NR3C2: variants seen among roughly 807,000 people sequenced by gnomAD.
NR3C2 encodes nuclear receptor subfamily 3 group C member 2.
NR3C2 carries 15 observed loss-of-function variants against 86.4 expected under a neutral mutation model. The observed-to-expected ratio is 0.17, with a 90% CI of 0.12 to 0.27. The LOEUF is 0.27. Ranked by LOEUF, NR3C2 falls within the 10% of genes least tolerant of loss-of-function variation. The pLI, the probability that NR3C2 is intolerant of heterozygous loss-of-function variation, is 1.00. For missense variants in NR3C2, 960 were observed against 1,195.6 expected (o/e 0.80, Z 2.91); for synonymous variants, 458 against 450.5 (o/e 1.02, Z -0.21).
chr4:148,148,508 T>C (rs1216830617), intron 6 of NR3C2, among the ~76,000 whole-genome samples: 1 of 152,208 alleles, frequency 6.6e-6, no homozygotes, highest in African/African-American at 2.4e-5. Flanking sequence ...GCCAAGTCTC[T>C]GATGTGGCCT....
At chr4:148,131,906 G>C (rs1733059935) in intron 6 of NR3C2, among the ~76,000 whole-genome samples, 2 of 152,240 alleles carry the variant, frequency 1.3e-5, no homozygotes, top group Admixed American at 1.3e-4. Flanking sequence ...ATGATACACA[G>C]ATCAGAATAA....
intron 4 of NR3C2, among the ~76,000 whole-genome samples, chr4:148,188,310 A>G (rs953446576): frequency 1.3e-5 from 2 of 152,118 alleles, no homozygotes; most frequent in Non-Finnish European, 2.9e-5. Context: ...TTTTGGCAGT[A>G]TGGTCATTTT....
chr4:148,317,070 G>T (rs1311194360), intron 2 of NR3C2, among the ~76,000 whole-genome samples: 1 of 152,168 alleles, frequency 6.6e-6, no homozygotes, highest in African/African-American at 2.4e-5. Context: ...TGGGATTACA[G>T]GCTTGAGCCA....
chr4:148,269,215 G>A lies in NR3C2; in HGVS notation c.1758-9098C>T, dbSNP rs139903590. Reference sequence around the variant, plus strand: ...CTGAGGAAGAAAAGTCCAAGTGGGGGAGCAAGATAAGGCAGAATCTGGGAA... The same window carrying A: ...CTGAGGAAGAAAAGTCCAAGTGGGGAAGCAAGATAAGGCAGAATCTGGGAA... On this transcript the variant is annotated intron_variant, in intron 2 of 8. Transcript: ENST00000358102. Among the ~76,000 whole-genome samples, 681 of 152,220 alleles carry A rather than the reference G, an allele frequency of 4.5e-3. 4 individuals carry two copies. The highest frequency in any genetic ancestry group is 0.023 in the South Asian group (109 of 4,816).
At chr4:148,379,434 G>A (rs968776087) in intron 2 of NR3C2, among the ~76,000 whole-genome samples, 12 of 152,266 alleles carry the variant, frequency 7.9e-5, no homozygotes, top group Non-Finnish European at 8.8e-5. Context: ...TGCACAGTAA[G>A]CTCACCCTCC....
chr4:148,275,760 A>G lies in NR3C2; in HGVS notation c.1758-15643T>C, dbSNP rs1281889324. Among the ~76,000 whole-genome samples the G allele has an allele frequency of 5.3e-5, 8 of 152,220 alleles. No homozygotes were observed. In the East Asian group the frequency reaches 1.5e-3, roughly 29 times the overall value. The stretch of plus-strand genomic sequence containing the variant: ...TCTTATCTTATAAATAATAGAAAAT[A>G]TGAACCATAATGAAAATAACTAATA... On this transcript the variant is annotated intron_variant, in intron 2 of 8. Coordinates refer to ENST00000358102, the MANE Select transcript of NR3C2 (RefSeq NM_000901.5).
chr4:148,118,924 CCAG>C (rs1441428350), intron 7 of NR3C2, among the ~76,000 whole-genome samples: 1 of 152,234 alleles, frequency 6.6e-6, no homozygotes, highest in East Asian at 1.9e-4. Flanking sequence ...CCACAGGCTC[CCAG>C]CAGGTCTCTG....
intron 6 of NR3C2, among the ~76,000 whole-genome samples, chr4:148,127,740 C>CAA (rs1732820162): frequency 6.6e-6 from 1 of 152,100 alleles, no homozygotes; most frequent in African/African-American, 2.4e-5. Context: ...AGACCCATTC[C>CAA]AGAGGTTGGG....
At chr4:148,389,393 G>C (rs1022087505) in intron 2 of NR3C2, among the ~76,000 whole-genome samples, 1 of 152,196 alleles carries the variant, frequency 6.6e-6, no homozygotes, top group Admixed American at 6.5e-5. Flanking sequence ...CACCAGGTAA[G>C]AGTTTCAAAG....
chr4:148,258,755 C>T (rs1036351935), intron 3 of NR3C2, among the ~76,000 whole-genome samples: 41 of 152,208 alleles, frequency 2.7e-4, no homozygotes, highest in African/African-American at 9.7e-4. Context: ...GTTCTAACGA[C>T]CTGGCTTAAG....
chr4:148,350,726 G>C (rs2149992219), intron 2 of NR3C2, among the ~76,000 whole-genome samples: 1 of 152,320 alleles, frequency 6.6e-6, no homozygotes, highest in East Asian at 1.9e-4. Context: ...AAGGGATACA[G>C]ACAGAGCCCT....
intron 3 of NR3C2, among the ~76,000 whole-genome samples, chr4:148,250,213 G>A (rs1018697268): frequency 1.3e-5 from 2 of 152,064 alleles, no homozygotes; most frequent in Non-Finnish European, 2.9e-5. Flanking sequence ...GAGGAATAAG[G>A]TTAAAAGGAA....
intron 6 of NR3C2, among the ~76,000 whole-genome samples, chr4:148,142,191 TA>T (rs1733645155): frequency 6.6e-6 from 1 of 152,188 alleles, no homozygotes; most frequent in Non-Finnish European, 1.5e-5. Flanking sequence ...AGTGCTTAAC[TA>T]ACGCCAGGCA....
At chr4:148,208,181 T>C (rs1737101232) in intron 3 of NR3C2, 1 of 152,274 alleles carries the variant, frequency 6.6e-6, no homozygotes. Context: ...CAGAGCACTG[T>C]TCCGGGAGCA....
chr4:148,272,941 G>A (rs527738822), intron 2 of NR3C2, among the ~76,000 whole-genome samples: 2 of 152,228 alleles, frequency 1.3e-5, no homozygotes, highest in African/African-American at 4.8e-5. Context: ...GAAGTAGGCT[G>A]TTTCTTTCGT....
chr4:148,100,305 GA>G (rs1256488690), intron 8 of NR3C2, among the ~76,000 whole-genome samples: 2 of 152,046 alleles, frequency 1.3e-5, no homozygotes. Context: ...GAGAATGGGA[GA>G]AAATATTTGC....
chr4:148,083,504 G>A (rs991651270), intron 8 of NR3C2, among the ~76,000 whole-genome samples: 19 of 152,164 alleles, frequency 1.2e-4, no homozygotes, highest in Admixed American at 9.8e-4. Flanking sequence ...CAACAAAAAG[G>A]ATGTCCACAA....
intron 6 of NR3C2, among the ~76,000 whole-genome samples, chr4:148,144,950 G>A (rs1018647371): frequency 3.3e-5 from 5 of 152,184 alleles, no homozygotes; most frequent in Non-Finnish European, 7.3e-5. Context: ...GTTATAGTAG[G>A]TAGTCAGGCA....
At chr4:148,278,462 T>C (rs1579098464) in intron 2 of NR3C2, among the ~76,000 whole-genome samples, 1 of 152,280 alleles carries the variant, frequency 6.6e-6, no homozygotes, top group East Asian at 1.9e-4. Flanking sequence ...TCATATGTAC[T>C]AAATGATGTG....
Sources: allele counts gnomAD v4.1 joint callset (sites outside exome capture counted in the v4.1 genomes callset), GRCh38; gene constraint gnomAD v4.1.1; transcripts MANE v1.5; gene names NCBI Gene and HGNC (gene_info 2026-07-23, HGNC 2026-07-21).